The following YWHAE variants were observed in gnomAD, a reference collection of about 807,000 sequenced individuals.
The protein encoded by YWHAE is 14-3-3 protein epsilon.
A neutral mutation model predicts 30.1 loss-of-function variants in YWHAE; 4 were observed. That is an observed-to-expected ratio of 0.13 (90% CI 0.07 to 0.30). YWHAE has a LOEUF of 0.30. Ranked by LOEUF, YWHAE falls within the 10% of genes least tolerant of loss-of-function variation. The probability of loss-of-function intolerance (pLI) is 1.00; values close to 1 mark genes in which losing one functional copy is unlikely to be tolerated. For synonymous variants in YWHAE, 118 were observed against 111.8 expected (o/e 1.06, Z -0.35); for missense variants, 121 against 315.9 (o/e 0.38, Z 4.68).
chr17:1,385,138 C>CT (rs1315189215), intron 1 of YWHAE, among the ~76,000 whole-genome samples: 6 of 98,344 alleles, frequency 6.1e-5, no homozygotes, highest in African/African-American at 2.6e-4. Context: ...GGGAAAGACT[C>CT]TGTCTCAAAA....
intron 1 of YWHAE, among the ~76,000 whole-genome samples, chr17:1,392,391 T>C (rs1216855512): frequency 6.6e-6 from 1 of 152,076 alleles, no homozygotes; most frequent in Non-Finnish European, 1.5e-5. Flanking sequence ...AGTATATGTA[T>C]CTATCTCAAA....
At chr17:1,369,310 AT>A in intron 1 of YWHAE, among the ~76,000 whole-genome samples, 1 of 152,264 alleles carries the variant, frequency 6.6e-6, no homozygotes, top group East Asian at 1.9e-4. Context: ...CCTGGCCAAC[AT>A]AGTAAAACCC....
At chr17:1,360,792 T>C (rs1167161251) in intron 4 of YWHAE, among the ~76,000 whole-genome samples, 1 of 152,024 alleles carries the variant, frequency 6.6e-6, no homozygotes, top group Non-Finnish European at 1.5e-5. Context: ...TGAAAACTAA[T>C]ATAACAAAAA....
chr17:1,354,585 T>C (rs899847541), intron 4 of YWHAE, among the ~76,000 whole-genome samples: 2 of 152,192 alleles, frequency 1.3e-5, no homozygotes, highest in Admixed American at 6.5e-5. Context: ...ATAAAATACA[T>C]AGAACAACTT....
At chr17:1,353,416 C>A (rs1326938067) in intron 5 of YWHAE, among the ~76,000 whole-genome samples, 1 of 114,916 alleles carries the variant, frequency 8.7e-6, no homozygotes, top group African/African-American at 3.7e-5. Flanking sequence ...CCAGCCCGGT[C>A]AACAGAGCGA....
At chr17:1,388,707 G>A (rs1359861139) in intron 1 of YWHAE, among the ~76,000 whole-genome samples, 1 of 151,248 alleles carries the variant, frequency 6.6e-6, no homozygotes, top group Non-Finnish European at 1.5e-5. Context: ...ATTCTTTGAT[G>A]AGCTAAGAAA....
chr17:1,383,542 C>T (rs1440528378), intron 1 of YWHAE, among the ~76,000 whole-genome samples: 5 of 141,040 alleles, frequency 3.5e-5, no homozygotes, highest in African/African-American at 8.2e-5. Context: ...GCACGTGCCA[C>T]CACGCCCGGC....
At chr17:1,362,194 TC>T (rs1217815508) in intron 2 of YWHAE, among the ~76,000 whole-genome samples, 186 bp from the exon 3 acceptor site, 2 of 152,068 alleles carry the variant, frequency 1.3e-5, no homozygotes, top group East Asian at 3.8e-4. Flanking sequence ...ATAAAAAGTA[TC>T]TTTTCCCTTC....
At chr17:1,370,150 C>T (rs534262158) in intron 1 of YWHAE, among the ~76,000 whole-genome samples, 53 of 100,308 alleles carry the variant, frequency 5.3e-4, no homozygotes, top group South Asian at 6.9e-4. Flanking sequence ...TTTTTTGAGA[C>T]GGAGTCTCGC....
chr17:1,381,961 A>AC (rs2073215586), intron 1 of YWHAE, among the ~76,000 whole-genome samples: 2 of 151,746 alleles, frequency 1.3e-5, no homozygotes, highest in African/African-American at 4.8e-5. Flanking sequence ...GGAAAAAAAA[A>AC]CACAGATATA....
chr17:1,391,701 G>C, intron 1 of YWHAE, among the ~76,000 whole-genome samples: 1 of 152,156 alleles, frequency 6.6e-6, no homozygotes, highest in Admixed American at 6.5e-5. Context: ...AGCTGGCCGG[G>C]CGCAGTGGTT....
chr17:1,396,189 G>A (rs906949644), intron 1 of YWHAE, among the ~76,000 whole-genome samples: 1 of 151,950 alleles, frequency 6.6e-6, no homozygotes, highest in Non-Finnish European at 1.5e-5. Flanking sequence ...GGAGACTGAG[G>A]TGGGCGGATC....
intron 1 of YWHAE, among the ~76,000 whole-genome samples, chr17:1,385,247 G>A (rs1320998054): frequency 6.6e-6 from 1 of 151,140 alleles, no homozygotes; most frequent in Admixed American, 6.6e-5. Flanking sequence ...GCAGCAATAA[G>A]ATAAAGGCAT....
At chr17:1,384,856 C>T (rs953681101) in intron 1 of YWHAE, among the ~76,000 whole-genome samples, 1 of 151,978 alleles carries the variant, frequency 6.6e-6, no homozygotes, top group African/African-American at 2.4e-5. Context: ...TAGAGGCATG[C>T]GCCACGAAGC....
chr17:1,357,875 T>C (rs368431244), intron 4 of YWHAE, among the ~76,000 whole-genome samples: 3 of 148,128 alleles, frequency 2.0e-5, no homozygotes, highest in Non-Finnish European at 3.0e-5. Context: ...TGCAGTGAGC[T>C]GAGATTGCAC....
At chr17:1,348,686 C>T (rs1243722361) in intron 5 of YWHAE, among the ~76,000 whole-genome samples, 4 of 152,148 alleles carry the variant, frequency 2.6e-5, no homozygotes, top group Admixed American at 1.3e-4. Flanking sequence ...TGCTGAACAG[C>T]CGAGATTACA....
chr17:1,375,441 C>T (rs752392961), intron 1 of YWHAE, among the ~76,000 whole-genome samples: 1 of 152,074 alleles, frequency 6.6e-6, no homozygotes, highest in African/African-American at 2.4e-5. Context: ...GGGCATTTCA[C>T]GGGTGGGGGA....
intron 5 of YWHAE, chr17:1,348,131 G>T: frequency 3.6e-6 from 1 of 278,284 alleles, no homozygotes; most frequent in Non-Finnish European, 5.5e-6. Flanking sequence ...GTCTTACTTC[G>T]TGTAAACTTC....
intron 1 of YWHAE, among the ~76,000 whole-genome samples, chr17:1,387,003 T>C (rs1051510645): frequency 5.3e-5 from 8 of 150,988 alleles, no homozygotes; most frequent in African/African-American, 1.2e-4. Context: ...TAACCTTCTA[T>C]GAAACTTTAA....
Sources: gnomAD v4.1 joint callset for allele counts (sites outside exome capture counted in the v4.1 genomes callset) on GRCh38, gnomAD v4.1.1 for gene constraint, MANE v1.5 for transcripts, NCBI Gene and HGNC (gene_info 2026-07-23, HGNC 2026-07-21) for gene names.